Variants in SH3KBP1 observed in about 807,000 individuals in gnomAD.
The protein encoded by SH3KBP1 is SH3 domain-containing kinase-binding protein 1.
SH3KBP1 carries 8 observed loss-of-function variants against 50.1 expected under a neutral mutation model. That is an observed-to-expected ratio of 0.16 (90% CI 0.09 to 0.29). SH3KBP1 has a LOEUF of 0.29. Among genes scored for constraint, SH3KBP1 ranks in the 10% least tolerant of loss-of-function variants. The pLI, the probability that SH3KBP1 is intolerant of heterozygous loss-of-function variation, is 1.00. For missense variants in SH3KBP1, 377 were observed against 535.2 expected (o/e 0.70, Z 2.92); for synonymous variants, 227 against 218.6 (o/e 1.04, Z -0.34).
At chrX:19,583,161 T>TA (rs1184106143) in intron 12 of SH3KBP1, among the ~76,000 whole-genome samples, 1 of 97,578 alleles carries the variant, frequency 1.0e-5, no homozygotes, top group Admixed American at 1.1e-4. Context: ...TTATTATTAT[T>TA]ATTATTTTTG....
intron 6 of SH3KBP1, among the ~76,000 whole-genome samples, chrX:19,656,736 C>T (rs1056936918): frequency 1.8e-5 from 2 of 111,736 alleles, no homozygotes; most frequent in African/African-American, 6.5e-5. Context: ...AGTGTCGAAA[C>T]GTTTAGTGGA....
At chrX:19,673,271 A>G (rs2062847796) in intron 6 of SH3KBP1, among the ~76,000 whole-genome samples, 1 of 111,224 alleles carries the variant, frequency 9.0e-6, no homozygotes, top group Admixed American at 9.6e-5. Context: ...TATATAAATA[A>G]ACACATATCT....
At chrX:19,870,783 T>A (rs2069021299) in intron 1 of SH3KBP1, among the ~76,000 whole-genome samples, 1 of 110,970 alleles carries the variant, frequency 9.0e-6, no homozygotes, top group African/African-American at 3.3e-5. Context: ...ATTCTCACAG[T>A]GGTTTGAAGA....
intron 15 of SH3KBP1, among the ~76,000 whole-genome samples, chrX:19,543,138 G>C (rs1020326692): frequency 2.7e-5 from 3 of 111,514 alleles, no homozygotes; most frequent in African/African-American, 9.8e-5. Flanking sequence ...GCTGGGGGCA[G>C]GAGTGGGCCA....
chrX:19,670,235 C>T (rs2062751903), intron 6 of SH3KBP1: 3 of 299,506 alleles, frequency 1.0e-5, no homozygotes, highest in African/African-American at 2.9e-5. Flanking sequence ...ATAAATGCCC[C>T]GCACTACAAA....
intron 14 of SH3KBP1, among the ~76,000 whole-genome samples, chrX:19,548,398 A>G (rs1266849114): frequency 1.8e-5 from 2 of 111,315 alleles, no homozygotes; most frequent in African/African-American, 6.5e-5. Flanking sequence ...AACAAAATAT[A>G]GAGATACTAA....
At chrX:19,705,221 C>T (rs2063628243) in intron 4 of SH3KBP1, among the ~76,000 whole-genome samples, 1 of 112,129 alleles carries the variant, frequency 8.9e-6, no homozygotes, top group Non-Finnish European at 1.9e-5. Context: ...AATTTATCTA[C>T]TATTTATCAT....
intron 1 of SH3KBP1, among the ~76,000 whole-genome samples, chrX:19,859,998 C>T (rs2147507366): frequency 8.9e-6 from 1 of 111,800 alleles, no homozygotes; most frequent in African/African-American, 3.2e-5. Flanking sequence ...CATCCATTTT[C>T]ATGGCAGCAT....
intron 2 of SH3KBP1, among the ~76,000 whole-genome samples, chrX:19,779,596 G>C (rs57187243): frequency 0.14 from 9,765 of 68,993 alleles, 730 homozygotes; most frequent in African/African-American, 0.21. Context: ...CCCCACAACA[G>C]GCCCCAGAGT....
intron 14 of SH3KBP1, among the ~76,000 whole-genome samples, chrX:19,549,732 G>T (rs2065186970): frequency 8.9e-6 from 1 of 112,003 alleles, no homozygotes; most frequent in Non-Finnish European, 1.9e-5. Context: ...GAAAGAAAAG[G>T]AAAGTGGGAA....
chrX:19,784,682 T>C (rs1439361426), intron 2 of SH3KBP1, among the ~76,000 whole-genome samples: 1 of 111,376 alleles, frequency 9.0e-6, no homozygotes, highest in Admixed American at 9.6e-5. Flanking sequence ...CGATCTCAGC[T>C]CACTGCAACC....
intron 6 of SH3KBP1, chrX:19,670,482 A>G (rs1293267983): frequency 2.4e-6 from 1 of 411,220 alleles, no homozygotes; most frequent in Admixed American, 9.1e-5. Flanking sequence ...TCTCTGTGAC[A>G]TGGTGTAACA....
intron 1 of SH3KBP1, among the ~76,000 whole-genome samples, chrX:19,842,380 G>T (rs1409002168): frequency 1.8e-5 from 2 of 110,713 alleles, no homozygotes; most frequent in African/African-American, 6.6e-5. Flanking sequence ...ACAAAAATTA[G>T]CTGGGTGTGG....
intron 15 of SH3KBP1, among the ~76,000 whole-genome samples, chrX:19,545,130 G>A (rs970331898): frequency 8.0e-5 from 9 of 111,987 alleles, no homozygotes; most frequent in Non-Finnish European, 1.3e-4. Context: ...AAAATTCCAC[G>A]GTAACCTTTG....
intron 1 of SH3KBP1, among the ~76,000 whole-genome samples, chrX:19,874,432 G>A (rs1253813896): frequency 2.4e-5 from 1 of 42,280 alleles, no homozygotes; most frequent in African/African-American, 1.7e-4. Context: ...GAGAGGAAGA[G>A]TTGGGGGGGC....
intron 3 of SH3KBP1, among the ~76,000 whole-genome samples, chrX:19,736,373 A>C (rs2064576446): frequency 8.9e-6 from 1 of 112,462 alleles, no homozygotes; most frequent in Non-Finnish European, 1.9e-5. Flanking sequence ...ACTTGTCTAA[A>C]GTGCTGCAGA....
intron 6 of SH3KBP1, among the ~76,000 whole-genome samples, chrX:19,680,714 C>T (rs185537364): frequency 6.2e-5 from 7 of 112,376 alleles, no homozygotes; most frequent in African/African-American, 1.9e-4. Context: ...TCACACTTAT[C>T]GGCTTTTGTG....
intron 2 of SH3KBP1, among the ~76,000 whole-genome samples, chrX:19,823,090 T>G (rs767640233): frequency 1.2e-4 from 13 of 111,417 alleles, no homozygotes; most frequent in Non-Finnish European, 2.3e-4. Flanking sequence ...CTCTCCAAGA[T>G]TTTCCCCATT....
intron 2 of SH3KBP1, among the ~76,000 whole-genome samples, chrX:19,777,849 G>C (rs2066028730): frequency 9.0e-6 from 1 of 111,626 alleles, no homozygotes; most frequent in Non-Finnish European, 1.9e-5. Context: ...TATTGAACTA[G>C]AAGGCATGGG....
Sources: allele counts gnomAD v4.1 joint callset (sites outside exome capture counted in the v4.1 genomes callset), GRCh38; gene constraint gnomAD v4.1.1; transcripts MANE v1.5; gene names NCBI Gene and HGNC (gene_info 2026-07-23, HGNC 2026-07-21).